Variants in NR2C1 observed in about 807,000 individuals in gnomAD.
NR2C1 encodes the protein TR2 nuclear hormone receptor.
NR2C1 carries 33 observed loss-of-function variants against 74.8 expected under a neutral mutation model. The observed-to-expected ratio is 0.44, with a 90% CI of 0.33 to 0.59. The LOEUF (loss-of-function observed/expected upper bound fraction) is 0.59. NR2C1 is among the 20% of genes least tolerant of loss of function. The pLI, the probability that NR2C1 is intolerant of heterozygous loss-of-function variation, is 0.02. For synonymous variants in NR2C1, 225 were observed against 240.6 expected (o/e 0.94, Z 0.60); for missense variants, 568 against 715.6 (o/e 0.79, Z 2.35).
At chr12:95,062,167 C>T (rs1874877845) in intron 3 of NR2C1, among the ~76,000 whole-genome samples, 1 of 152,202 alleles carries the variant, frequency 6.6e-6, no homozygotes, top group Non-Finnish European at 1.5e-5. Flanking sequence ...TTGCAGCATG[C>T]TCCAATAGTC....
At chr12:95,058,132 C>T in intron 5 of NR2C1, 178 bp downstream of exon 5, 1 of 643,168 alleles carries the variant, frequency 1.6e-6, no homozygotes, top group Non-Finnish European at 2.5e-6. Flanking sequence ...CACAGGTATT[C>T]AATAAATATT....
chr12:95,066,398 C>T (rs1014714064), intron 2 of NR2C1, among the ~76,000 whole-genome samples: 2 of 152,022 alleles, frequency 1.3e-5, no homozygotes, highest in East Asian at 1.9e-4. Flanking sequence ...AAAAATCAGC[C>T]GGAAACCTAT....
Position 95,073,395 on chromosome 12 carries a change from C to T in NR2C1, c.-23G>A, listed in dbSNP as rs1877045177. 2 of 152,296 alleles carry T rather than the reference C, an allele frequency of 1.3e-5. No individual in the cohort carries two copies. 9.4% of individuals were successfully genotyped at this position (152,296 alleles called of 1,614,324 possible). A position where few individuals can be genotyped will look rare whatever the true frequency, so the allele number is the denominator to read the frequency against. The stretch of plus-strand genomic sequence containing the variant: ...CGTTTCTTACCGGCGCTTTTGCGCC[C>T]TGCTGACTCCGGCGTCGGGCGCCGA... On this transcript the variant is annotated 5_prime_UTR_variant, in exon 1 of 14. Transcript: ENST00000333003.
At chr12:95,062,481 G>A (rs1446567405) in intron 3 of NR2C1, 27 bp downstream of exon 3, 8 of 1,501,550 alleles carry the variant, frequency 5.3e-6, no homozygotes, top group South Asian at 2.4e-5. Flanking sequence ...ATATGTAAGA[G>A]GAAAAGACAC....
chr12:95,032,935 T>TC (rs746871634), intron 10 of NR2C1, among the ~76,000 whole-genome samples: 1 of 152,068 alleles, frequency 6.6e-6, no homozygotes, highest in Non-Finnish European at 1.5e-5. Context: ...ACCACTGCAC[T>TC]CCAGCTTGGG....
intron 9 of NR2C1, among the ~76,000 whole-genome samples, chr12:95,043,910 AAG>A (rs1871948380): frequency 1.3e-5 from 2 of 152,128 alleles, no homozygotes; most frequent in South Asian, 4.1e-4. Flanking sequence ...TTAACTTATA[AAG>A]AGAGAAAATG....
intron 1 of NR2C1, among the ~76,000 whole-genome samples, chr12:95,072,341 C>T (rs907412395): frequency 6.6e-6 from 1 of 150,950 alleles, no homozygotes; most frequent in African/African-American, 2.4e-5. Flanking sequence ...GTAATCCCAG[C>T]TACTCGGGAG....
intron 11 of NR2C1, 75 bp downstream of exon 11, chr12:95,031,274 A>G: frequency 3.2e-6 from 4 of 1,243,308 alleles, no homozygotes; most frequent in Non-Finnish European, 4.3e-6. Flanking sequence ...TTAGATATCT[A>G]ACTTTAGTCA....
chr12:95,036,297 A>T (rs1321055922), intron 10 of NR2C1, among the ~76,000 whole-genome samples: 1 of 146,858 alleles, frequency 6.8e-6, no homozygotes, highest in Non-Finnish European at 1.5e-5. Flanking sequence ...AAAAGGCCGG[A>T]TATGATGGCT....
In NR2C1 at chr12:95,062,771, T is replaced by G. The variant is rs192249070; in HGVS notation, c.55-33A>C. 613 of 1,528,592 alleles carry G rather than the reference T, an allele frequency of 4.0e-4. No individual in the cohort carries two copies. The African/African-American group carries it at 7.5e-3, about 19-fold the overall frequency. The allele number at this position is 1,528,592 out of a possible 1,614,324, so 94.7% of individuals were successfully genotyped here. On this transcript the variant is annotated intron_variant, in intron 2 of 13. Coordinates refer to ENST00000333003, the MANE Select transcript of NR2C1 (RefSeq NM_003297.4). ...AATCATGAAAAATAATCAATGAAAC[T>G]CAATAATTTTTCTTTAATGACACAA...
At chr12:95,061,563 T>C (rs1874786734) in intron 3 of NR2C1, among the ~76,000 whole-genome samples, 1 of 152,218 alleles carries the variant, frequency 6.6e-6, no homozygotes, top group African/African-American at 2.4e-5. Flanking sequence ...CTGTATCCAC[T>C]TTCTACCTTT....
intron 7 of NR2C1, among the ~76,000 whole-genome samples, chr12:95,055,809 C>T (rs1021697744): frequency 5.3e-5 from 8 of 151,680 alleles, no homozygotes; most frequent in Admixed American, 3.3e-4. Context: ...AAAAATTAGC[C>T]GGGCGTGGTG....
chr12:95,028,844 T>A (rs1161622640), intron 11 of NR2C1, among the ~76,000 whole-genome samples: 3 of 152,084 alleles, frequency 2.0e-5, no homozygotes, highest in East Asian at 3.9e-4. Context: ...GCCCAGGCTG[T>A]TCTTGAACTC....
chr12:95,062,295 G>C (rs941112890), intron 3 of NR2C1, among the ~76,000 whole-genome samples: 1 of 152,130 alleles, frequency 6.6e-6, no homozygotes, highest in African/African-American at 2.4e-5. Context: ...GGATCTTACT[G>C]TATGCAACAA....
intron 9 of NR2C1, among the ~76,000 whole-genome samples, chr12:95,043,155 G>A (rs1366571383): frequency 6.6e-6 from 1 of 152,104 alleles, no homozygotes. Flanking sequence ...CAGTTACTTA[G>A]CAGACTGAGG....
At chr12:95,040,662 T>C (rs949416304) in intron 9 of NR2C1, 65 bp from the exon 10 acceptor site, 7 of 1,482,992 alleles carry the variant, frequency 4.7e-6, no homozygotes, top group Non-Finnish European at 6.4e-6. Flanking sequence ...ATCATTTCTT[T>C]GAAAAAGTTT....
chr12:95,030,301 T>C, intron 11 of NR2C1: 1 of 411,932 alleles, frequency 2.4e-6, no homozygotes, highest in Non-Finnish European at 3.8e-6. Flanking sequence ...CTTATATTGG[T>C]TGGGAAAAAA....
At chr12:95,058,224 T>C in intron 5 of NR2C1, 86 bp downstream of exon 5, 3 of 1,185,264 alleles carry the variant, frequency 2.5e-6, no homozygotes, top group Non-Finnish European at 3.5e-6. Context: ...AAAGTATACA[T>C]ATTTGACATA....
intron 13 of NR2C1, among the ~76,000 whole-genome samples, chr12:95,023,745 G>A (rs571485326): frequency 9.2e-5 from 14 of 152,070 alleles, no homozygotes; most frequent in Non-Finnish European, 1.9e-4. Flanking sequence ...ACTATCCAAG[G>A]ATAATGTATT....
Sources: gnomAD v4.1 joint callset for allele counts (sites outside exome capture counted in the v4.1 genomes callset) on GRCh38, gnomAD v4.1.1 for gene constraint, MANE v1.5 for transcripts, NCBI Gene and HGNC (gene_info 2026-07-23, HGNC 2026-07-21) for gene names.